The following WDR70 variants were observed in gnomAD, a reference collection of about 807,000 sequenced individuals.
WDR70 encodes the protein WD repeat-containing protein 70.
In WDR70, 53 loss-of-function variants were observed where a neutral mutation model predicts 88.6. That is an observed-to-expected ratio of 0.60 (90% CI 0.48 to 0.75). The LOEUF is 0.75. Among genes scored for constraint, WDR70 ranks in the 30% least tolerant of loss-of-function variants. The pLI, the probability that WDR70 is intolerant of heterozygous loss-of-function variation, is 0.00. For synonymous variants in WDR70, 280 were observed against 270.0 expected, an observed-to-expected ratio of 1.04 and a Z score of -0.36; for missense variants, 610 against 823.2, an observed-to-expected ratio of 0.74 and a Z score of 3.17.
At chr5:37,608,389 T>C (rs1254478800) in intron 10 of WDR70, among the ~76,000 whole-genome samples, 1 of 152,020 alleles carries the variant, frequency 6.6e-6, no homozygotes, top group Non-Finnish European at 1.5e-5. Context: ...TCTCATCTCT[T>C]TCAGTTCAGA....
intron 8 of WDR70, chr5:37,506,202 C>G: frequency 1.0e-6 from 1 of 986,910 alleles, no homozygotes; most frequent in South Asian, 1.3e-5. Flanking sequence ...ACTCTGGTAT[C>G]ACAGTTCTGA....
In WDR70 at chr5:37,727,054, A is replaced by G; in HGVS notation, c.1877+9A>G. 1.3e-6 allele frequency: 2 copies of G among 1,598,638 alleles called. No individual in the cohort carries two copies. The highest frequency in any genetic ancestry group is 1.1e-5 in the South Asian group (1 of 87,320). On this transcript the variant is annotated intron_variant, in intron 17 of 17. Transcript: ENST00000265107. ...TCTCCAGCATATTCCAAGTGAGAAT[A>G]TAGCTTTTTAAAACAGGAAAATTGT...
In WDR70 at chr5:37,668,971, ACT is replaced by A. The variant is rs376721693; in HGVS notation, c.1093-28679_1093-28678del. Among the ~76,000 whole-genome samples the A allele has an allele frequency of 3.4e-4, 52 of 152,118 alleles. 1 individual carries two copies. In the East Asian group the frequency reaches 8.9e-3, roughly 26 times the overall value. On this transcript the variant is annotated intron_variant, in intron 10 of 17. Coordinates refer to ENST00000265107, the MANE Select transcript of WDR70 (RefSeq NM_018034.4). Reference sequence around the variant, plus strand: ...GATTCCACCCTGGTTGTAAATGCACACTCTCTTTCTCATTTGTGAGCTTCCTC... The same window carrying A: ...GATTCCACCCTGGTTGTAAATGCACACTCTTTCTCATTTGTGAGCTTCCTC...
At chr5:37,497,511 C>G (rs1048510020) in intron 8 of WDR70, among the ~76,000 whole-genome samples, 1 of 130,572 alleles carries the variant, frequency 7.7e-6, no homozygotes, top group Non-Finnish European at 1.7e-5. Flanking sequence ...CCGTCTCTTC[C>G]CTCTTCCCTT....
chr5:37,592,707 C>T (rs1013570484), intron 9 of WDR70, among the ~76,000 whole-genome samples: 4 of 152,166 alleles, frequency 2.6e-5, no homozygotes, highest in African/African-American at 9.7e-5. Flanking sequence ...AATACTTTCC[C>T]CCTGTGCTTG....
chr5:37,661,536 G>A (rs1251486864), intron 10 of WDR70, among the ~76,000 whole-genome samples: 2 of 152,236 alleles, frequency 1.3e-5, no homozygotes, highest in African/African-American at 4.8e-5. Flanking sequence ...AGAGCCAGCT[G>A]TGTGGGAGAC....
At chr5:37,747,860 T>C (rs1480650795) in intron 17 of WDR70, among the ~76,000 whole-genome samples, 1 of 151,510 alleles carries the variant, frequency 6.6e-6, no homozygotes, top group Non-Finnish European at 1.5e-5. Context: ...AAGCAGAGAG[T>C]CAAATCATGA....
intron 7 of WDR70, among the ~76,000 whole-genome samples, chr5:37,457,482 T>C (rs4418127): frequency 0.86 from 130,545 of 152,182 alleles, 59,475 homozygotes; most frequent in East Asian, 1. Flanking sequence ...GAGTGTAAAT[T>C]GGCACTGTCT....
At chr5:37,620,921 T>C (rs1005264822) in intron 10 of WDR70, among the ~76,000 whole-genome samples, 5 of 152,104 alleles carry the variant, frequency 3.3e-5, no homozygotes, top group African/African-American at 1.2e-4. Context: ...TACACTTGAA[T>C]GGTGATGGAG....
chr5:37,563,924 G>C (rs1318593209), intron 9 of WDR70, among the ~76,000 whole-genome samples: 1 of 141,478 alleles, frequency 7.1e-6, no homozygotes, highest in Non-Finnish European at 1.6e-5. Flanking sequence ...TCACATCCCA[G>C]ACGGGGCGGC....
At chr5:37,652,024 A>G (rs1036017613) in intron 10 of WDR70, among the ~76,000 whole-genome samples, 4 of 152,218 alleles carry the variant, frequency 2.6e-5, no homozygotes, top group Admixed American at 6.5e-5. Context: ...GCCCATGCCA[A>G]TGTCCTGAAT....
At chr5:37,430,334 T>A (rs1160024704) in intron 5 of WDR70, among the ~76,000 whole-genome samples, 1 of 152,170 alleles carries the variant, frequency 6.6e-6, no homozygotes, top group East Asian at 1.9e-4. Context: ...GAGAGAACTG[T>A]TGTAGTTAAA....
chr5:37,692,344 G>C (rs1746823438), intron 10 of WDR70, among the ~76,000 whole-genome samples: 1 of 152,096 alleles, frequency 6.6e-6, no homozygotes, highest in Non-Finnish European at 1.5e-5. Flanking sequence ...GGAAAAAGAG[G>C]GAATCCTCCC....
chr5:37,551,768 G>GTTTTTTTTTTTTTTT (rs1176757597), intron 9 of WDR70, among the ~76,000 whole-genome samples: 1 of 92,728 alleles, frequency 1.1e-5, no homozygotes, highest in African/African-American at 4.2e-5. Flanking sequence ...TCATTGTTTA[G>GTTTTTTTTTTTTTTT]TTTTTTTTTT....
In WDR70 at chr5:37,396,481, G is replaced by A. The variant is rs1232774105; in HGVS notation, c.403G>A (p.Glu135Lys). Residue 135 changes from glutamate to lysine, a missense_variant, in exon 5 of 18, where the codon GAG (glutamate) becomes AAG (lysine). Glu to Lys is a moderately conservative substitution (Grantham distance 56, BLOSUM62 1). Coordinates refer to ENST00000265107, the MANE Select transcript of WDR70 (RefSeq NM_018034.4). ...KMVGKPVNFMEEDILGPLPPP... is the reference protein window; with the variant it reads ...KMVGKPVNFMKEDILGPLPPP... ...GGTAGGAAAACCAGTTAATTTTATG[G>A]AGGAAGATATCCTCGGTCCTTTACC... is the stretch of plus-strand genomic sequence containing the variant. The A allele has an allele frequency of 6.2e-7, 1 of 1,613,908 alleles. No individual in the cohort carries two copies. Among genetic ancestry groups the A allele is most frequent in the East Asian group, 2.2e-5 (1 of 44,884 alleles).
At chr5:37,657,351 C>T (rs1304927262) in intron 10 of WDR70, among the ~76,000 whole-genome samples, 2 of 152,178 alleles carry the variant, frequency 1.3e-5, no homozygotes, top group African/African-American at 4.8e-5. Context: ...TGAGATAAGC[C>T]AGGTACCCCA....
At chr5:37,407,627 TTAGC>T (rs1749392929) in intron 5 of WDR70, among the ~76,000 whole-genome samples, 1 of 152,192 alleles carries the variant, frequency 6.6e-6, no homozygotes, top group South Asian at 2.1e-4. Context: ...TTTGCCTACT[TTAGC>T]TATTAAGTGA....
Position 37,462,528 on chromosome 5 carries a change from G to T in WDR70, c.687-17306G>T, listed in dbSNP as rs564886285. On this transcript the variant is annotated intron_variant, in intron 7 of 17. Transcript: ENST00000265107. ...CGTGTTAGTTAGGATGGTCTCGATCGCCTGACCTTGTGATCCGCCCGCCTC... is the reference window on the plus strand; with the variant it reads ...CGTGTTAGTTAGGATGGTCTCGATCTCCTGACCTTGTGATCCGCCCGCCTC... Among the ~76,000 whole-genome samples, 5 of 152,084 alleles carry T rather than the reference G, an allele frequency of 3.3e-5. No homozygotes were observed. In the South Asian group the frequency reaches 8.3e-4, roughly 25 times the overall value.
At chr5:37,651,330 T>C (rs576760527) in intron 10 of WDR70, among the ~76,000 whole-genome samples, 1 of 152,328 alleles carries the variant, frequency 6.6e-6, no homozygotes, top group South Asian at 2.1e-4. Context: ...CTGTGATATA[T>C]ATATGTGCCA....
Sources: gnomAD v4.1 joint callset for allele counts (sites outside exome capture counted in the v4.1 genomes callset) on GRCh38, gnomAD v4.1.1 for gene constraint, MANE v1.5 for transcripts, NCBI Gene and HGNC (gene_info 2026-07-23, HGNC 2026-07-21) for gene names.